The following ASB13 variants were observed in gnomAD, a reference collection of about 807,000 sequenced individuals.
The protein encoded by ASB13 is ankyrin repeat and SOCS box protein 13.
In ASB13, 33 loss-of-function variants were observed where a neutral mutation model predicts 28.8. The ratio of observed to expected loss-of-function variants is 1.15; its 90% confidence interval spans 0.87 to 1.53. The LOEUF (loss-of-function observed/expected upper bound fraction) is 1.53, where lower values mean the gene tolerates loss of function less well. Among genes scored for constraint, ASB13 ranks in the 40% most tolerant of loss-of-function variants. ASB13 has a pLI of 0.00. For synonymous variants in ASB13, 182 were observed against 172.9 expected, an observed-to-expected ratio of 1.05 and a Z score of -0.41; for missense variants, 414 against 390.1, an observed-to-expected ratio of 1.06 and a Z score of -0.52.
Position 5,664,807 on chromosome 10 carries a change from A to G in ASB13, c.43+1702T>C, listed in dbSNP as rs1461710402. Among the ~76,000 whole-genome samples, 1 of 152,052 alleles carries G rather than the reference A, an allele frequency of 6.6e-6. No individual in the cohort carries two copies. Among genetic ancestry groups the G allele is most frequent in the Non-Finnish European group, 1.5e-5 (1 of 67,984 alleles). The stretch of plus-strand genomic sequence containing the variant: ...GTGATTCTCCTGCCTCAGCCTCCCC[A>G]GTAGCTGAGATTACAGGTGCCCGCC... On this transcript the variant is annotated intron_variant, in intron 1 of 5. Coordinates refer to ENST00000357700, the MANE Select transcript of ASB13 (RefSeq NM_024701.4). The surrounding 1 kb of genome is among the most constrained non-coding windows in gnomAD (Gnocchi z 4.2).
Position 5,652,026 on chromosome 10 carries a change from C to CACA in ASB13, c.232-664_232-663insTGT, listed in dbSNP as rs60821267. Among the ~76,000 whole-genome samples, 268 of 58,708 alleles carry CACA rather than the reference C, an allele frequency of 4.6e-3. No individual in the cohort carries two copies. The highest frequency in any genetic ancestry group is 0.013 in the Middle Eastern group (1 of 78). 38.5% of individuals were successfully genotyped at this position (58,708 alleles called of 152,430 possible). On this transcript the variant is annotated intron_variant, in intron 2 of 5. Coordinates refer to ENST00000357700, the MANE Select transcript of ASB13 (RefSeq NM_024701.4). This position sits in a 1 kb window ranked among gnomAD's most constrained non-coding sequence, Gnocchi z 5.0. Reference sequence around the variant, plus strand: ...CAAAAAAAAAAAAAAAAAAAAAAAACCACACACACACACACACACACACAC... The same window carrying CACA: ...CAAAAAAAAAAAAAAAAAAAAAAAACACACACACACACACACACACACACACAC...
chr10:5,663,278 G>T lies in ASB13; in HGVS notation c.43+3231C>A, dbSNP rs1835204400. Among the ~76,000 whole-genome samples the T allele has an allele frequency of 6.6e-6, 1 of 152,206 alleles. No homozygotes were observed. The highest frequency in any genetic ancestry group is 6.5e-5 in the Admixed American group (1 of 15,280). On this transcript the variant is annotated intron_variant, in intron 1 of 5. Coordinates refer to ENST00000357700, the MANE Select transcript of ASB13 (RefSeq NM_024701.4). This position sits in a 1 kb window ranked among gnomAD's most constrained non-coding sequence, Gnocchi z 4.9. ...TAAGGAGTAAAGGAACTGGGAGAAA[G>T]GACCGAAGGTGTCAGGAGAGCTTGG...
chr10:5,640,690 C>A lies in ASB13; in HGVS notation c.*13G>T, dbSNP rs1327574129. 6 of 1,613,992 alleles carry A rather than the reference C, an allele frequency of 3.7e-6. No homozygotes were observed. The highest frequency in any genetic ancestry group is 1.7e-4 in the Middle Eastern group (1 of 6,058). On this transcript the variant is annotated 3_prime_UTR_variant, in exon 6 of 6. Coordinates refer to ENST00000357700, the MANE Select transcript of ASB13 (RefSeq NM_024701.4). ...ACAACGGGGGCAGCCACGGTCCGGACCCCACCTGCAATTCAGTTGTAGGAG... is the reference window on the plus strand; with the variant it reads ...ACAACGGGGGCAGCCACGGTCCGGAACCCACCTGCAATTCAGTTGTAGGAG...
Position 5,652,026 on chromosome 10 carries a change from CCACACACACA to C in ASB13, c.232-673_232-664del, listed in dbSNP as rs5782851. Among the ~76,000 whole-genome samples the C allele has an allele frequency of 0.03, 1,809 of 59,572 alleles. 28 individuals are homozygous for C. Among genetic ancestry groups the C allele is most frequent in the Non-Finnish European group, 0.041 (1,353 of 33,366 alleles). The allele number at this position is 59,572 out of a possible 152,430, so 39.1% of individuals were successfully genotyped here. On this transcript the variant is annotated intron_variant, in intron 2 of 5. Coordinates refer to ENST00000357700, the MANE Select transcript of ASB13 (RefSeq NM_024701.4). This position sits in a 1 kb window ranked among gnomAD's most constrained non-coding sequence, Gnocchi z 5.0. ...CAAAAAAAAAAAAAAAAAAAAAAAA[CCACACACACA>C]CACACACACACACACACACACACAC...
rs775976257 is a variant in ASB13, at chr10:5,640,742, G to A, written c.798C>T (p.Asn266=). 8.1e-6 allele frequency: 13 copies of A among 1,614,060 alleles called. No homozygotes were observed. The highest frequency in any genetic ancestry group is 1.3e-5 in the African/African-American group (1 of 74,924). The change falls in exon 6 of 6, where the codon AAC becomes AAT. Residue 266 remains asparagine (N), a synonymous_variant. Transcript: ENST00000357700. The part of the protein sequence containing the change: ...VRGLEKIAKL[N]IPPRLIDYLS... The stretch of plus-strand genomic sequence containing the variant: ...GGTAATCAATGAGCCGGGGCGGGAT[G>A]TTTAACTTGGCAATCTTCTCCAGCC...
At position 5,650,742 on chromosome 10, in the gene ASB13, G is replaced by A. The variant is rs998715334; in HGVS notation, c.382+471C>T. 1.2e-4 allele frequency among the ~76,000 whole-genome samples: 18 copies of A among 152,210 alleles called. No homozygotes were observed. Among genetic ancestry groups the A allele is most frequent in the African/African-American group, 4.1e-4 (17 of 41,460 alleles). On this transcript the variant is annotated intron_variant, in intron 3 of 5. Transcript: ENST00000357700. This position sits in a 1 kb window ranked among gnomAD's most constrained non-coding sequence, Gnocchi z 6.0. Reference sequence around the variant, plus strand: ...TTTATCTTCCCAGCATCTGCAGTCTGCCTATTCTTGGGGGGCAGATGAGGT... The same window carrying A: ...TTTATCTTCCCAGCATCTGCAGTCTACCTATTCTTGGGGGGCAGATGAGGT...
Position 5,639,484 on chromosome 10 carries a change from T to A in ASB13, c.*1219A>T, listed in dbSNP as rs1328902131. The A allele has an allele frequency of 1.3e-5, 2 of 152,242 alleles. No individual in the cohort carries two copies. Among genetic ancestry groups the A allele is most frequent in the Non-Finnish European group, 2.9e-5 (2 of 68,084 alleles). 9.4% of individuals were successfully genotyped at this position (152,242 alleles called of 1,614,324 possible). A position where few individuals can be genotyped will look rare whatever the true frequency, so the allele number is the denominator to read the frequency against. On this transcript the variant is annotated 3_prime_UTR_variant, in exon 6 of 6. Coordinates refer to ENST00000357700, the MANE Select transcript of ASB13 (RefSeq NM_024701.4). ...TCATCCCTGAACTAATCATGCAAAG[T>A]CCTCCAGTTTAACTCCCTGTTGTGG...
In ASB13 at chr10:5,661,647, C is replaced by T. The variant is rs1183108240; in HGVS notation, c.43+4862G>A. On this transcript the variant is annotated intron_variant, in intron 1 of 5. Transcript: ENST00000357700. This position sits in a 1 kb window ranked among gnomAD's most constrained non-coding sequence, Gnocchi z 4.9. ...GTAGCTGGGACTACAGGCCCATGCA[C>T]CACCACCACACTGGATAATTTTTGT... 6.6e-6 allele frequency among the ~76,000 whole-genome samples: 1 copy of T among 152,184 alleles called. No homozygotes were observed. Among genetic ancestry groups the T allele is most frequent in the African/African-American group, 2.4e-5 (1 of 41,522 alleles).
In ASB13 at chr10:5,655,827, C is replaced by G. The variant is rs572124979; in HGVS notation, c.44-2777G>C. ...GCAGGGTAAGGCCTAGGTCTTGCAG[C>G]AAAAAAAGAAAGTGCATCTCAGGAG... On this transcript the variant is annotated intron_variant, in intron 1 of 5. Transcript: ENST00000357700. This position sits in a 1 kb window ranked among gnomAD's most constrained non-coding sequence, Gnocchi z 6.2. Among the ~76,000 whole-genome samples the G allele has an allele frequency of 6.6e-6, 1 of 151,902 alleles. No homozygotes were observed. The highest frequency in any genetic ancestry group is 1.5e-5 in the Non-Finnish European group (1 of 67,954).
In ASB13 at chr10:5,652,525, C is replaced by T. The variant is rs1291087984; in HGVS notation, c.231+338G>A. On this transcript the variant is annotated intron_variant, in intron 2 of 5. Coordinates refer to ENST00000357700, the MANE Select transcript of ASB13 (RefSeq NM_024701.4). The surrounding 1 kb of genome is among the most constrained non-coding windows in gnomAD (Gnocchi z 5.0). Reference sequence around the variant, plus strand: ...GCATCCCACTGAGTTATCCTAAAGCCGGAAACCTGCTCTTTGGGCCCAAGC... The same window carrying T: ...GCATCCCACTGAGTTATCCTAAAGCTGGAAACCTGCTCTTTGGGCCCAAGC... 2.0e-5 allele frequency among the ~76,000 whole-genome samples: 3 copies of T among 152,230 alleles called. No individual in the cohort carries two copies. Among genetic ancestry groups the T allele is most frequent in the African/African-American group, 7.2e-5 (3 of 41,446 alleles).
intron 1 of ASB13, among the ~76,000 whole-genome samples, chr10:5,657,370 G>A (rs1017261173): frequency 3.3e-5 from 5 of 151,532 alleles, no homozygotes; most frequent in South Asian, 2.1e-4. Flanking sequence ...ATGGGCAAAC[G>A]AGTTGAACAG....
At chr10:5,657,027 C>T (rs750188257) in intron 1 of ASB13, among the ~76,000 whole-genome samples, 1 of 152,200 alleles carries the variant, frequency 6.6e-6, no homozygotes, top group African/African-American at 2.4e-5. Context: ...AATCTGGGTT[C>T]AGTTACAACT....
chr10:5,663,883 C>T lies in ASB13; in HGVS notation c.43+2626G>A, dbSNP rs2131460429. Reference sequence around the variant, plus strand: ...TGCTACCCTAGTGGATTCTCCCTCTCCCCGCTCTGACACTGAAATCAAGAG... The same window carrying T: ...TGCTACCCTAGTGGATTCTCCCTCTTCCCGCTCTGACACTGAAATCAAGAG... On this transcript the variant is annotated intron_variant, in intron 1 of 5. Coordinates refer to ENST00000357700, the MANE Select transcript of ASB13 (RefSeq NM_024701.4). The surrounding 1 kb of genome is among the most constrained non-coding windows in gnomAD (Gnocchi z 4.9). Among the ~76,000 whole-genome samples, 1 of 152,270 alleles carries T rather than the reference C, an allele frequency of 6.6e-6. No individual in the cohort carries two copies. The highest frequency in any genetic ancestry group is 2.1e-4 in the South Asian group (1 of 4,818).
rs1132290 is a variant in ASB13, at chr10:5,639,116, G to C, written c.*1587C>G. On this transcript the variant is annotated 3_prime_UTR_variant, in exon 6 of 6. Transcript: ENST00000357700. ...TCTTCTCAGTTTAGGACGAAGACCC[G>C]CCATGACAATGGCGGGAACGCTGGA... The C allele has an allele frequency of 3.3e-5, 5 of 152,662 alleles. No homozygotes were observed. The highest frequency in any genetic ancestry group is 4.1e-4 in the South Asian group (2 of 4,830). The allele number at this position is 152,662 out of a possible 1,614,324, so 9.5% of individuals were successfully genotyped here. A position where few individuals can be genotyped will look rare whatever the true frequency, so the allele number is the denominator to read the frequency against.
chr10:5,653,887 G>A (rs1835030756), intron 1 of ASB13, among the ~76,000 whole-genome samples: 1 of 152,084 alleles, frequency 6.6e-6, no homozygotes, highest in South Asian at 2.1e-4. Context: ...TCACCATACT[G>A]GCCAGGATGG....
In ASB13 at chr10:5,666,557, T is replaced by C. The variant is rs2131462856; in HGVS notation, c.-6A>G. On this transcript the variant is annotated 5_prime_UTR_variant, in exon 1 of 6. Coordinates refer to ENST00000357700, the MANE Select transcript of ASB13 (RefSeq NM_024701.4). ...TCCGCCGCCCGGGGCTCCATGCGGC[T>C]CACCGGCGGCCGCGCGGCGACTCTG... is the stretch of plus-strand genomic sequence containing the variant. The C allele has an allele frequency of 8.5e-7, 1 of 1,170,198 alleles. No homozygotes were observed. The highest frequency in any genetic ancestry group is 1.1e-6 in the Non-Finnish European group (1 of 948,460). The allele number at this position is 1,170,198 out of a possible 1,614,324, so 72.5% of individuals were successfully genotyped here.
At chr10:5,657,040 A>T (rs1174240049) in intron 1 of ASB13, among the ~76,000 whole-genome samples, 1 of 152,228 alleles carries the variant, frequency 6.6e-6, no homozygotes, top group Admixed American at 6.5e-5. Context: ...TTACAACTAG[A>T]CATAAAATTT....
Position 5,638,910 on chromosome 10 carries a change from C to T in ASB13, c.*1793G>A, listed in dbSNP as rs1185465767. On this transcript the variant is annotated 3_prime_UTR_variant, in exon 6 of 6. Coordinates refer to ENST00000357700, the MANE Select transcript of ASB13 (RefSeq NM_024701.4). ...TTTTATTGAGCAACAGCCGTGGGGA[C>T]CTGATTCTGCGCTAAGTGCTCTACT... 3 of 152,252 alleles carry T rather than the reference C, an allele frequency of 2.0e-5. No individual in the cohort carries two copies. The highest frequency in any genetic ancestry group is 4.4e-5 in the Non-Finnish European group (3 of 68,034). 9.4% of individuals were successfully genotyped at this position (152,252 alleles called of 1,614,324 possible).
rs143670864 is a variant in ASB13 at position 5,640,774 on chromosome 10, C to T, written c.766G>A (p.Val256Ile). Residue 256 changes from valine (V) to isoleucine (I), a missense_variant, in exon 6 of 6, where the codon GTC becomes ATC. Coordinates refer to ENST00000357700, the MANE Select transcript of ASB13 (RefSeq NM_024701.4). ...TTGGCAATCTTCTCCAGCCCTCGGA[C>T]GCCAGTGGCCTTCCTCAAGTTCACC... Reference protein sequence around the residue: ...CRVNLRKATGVRGLEKIAKLN... With the variant: ...CRVNLRKATGIRGLEKIAKLN... 64 of 1,613,976 alleles carry T rather than the reference C, an allele frequency of 4.0e-5. No homozygotes were observed. The highest frequency in any genetic ancestry group is 5.3e-5 in the African/African-American group (4 of 74,894).
Sources: gnomAD v4.1 joint callset for allele counts (sites outside exome capture counted in the v4.1 genomes callset) on GRCh38, gnomAD v4.1.1 for gene constraint, Gnocchi (gnomAD v3.1) non-coding constraint, MANE v1.5 for transcripts, NCBI Gene and HGNC (gene_info 2026-07-23, HGNC 2026-07-21) for gene names.